The following TMEM178A variants were observed in gnomAD, a reference collection of about 807,000 sequenced individuals.
The protein encoded by TMEM178A is transmembrane protein 178A.
A neutral mutation model predicts 29.1 loss-of-function variants in TMEM178A; 12 were observed. The ratio of observed to expected loss-of-function variants is 0.41; its 90% CI spans 0.26 to 0.67. The LOEUF is 0.67. Among genes scored for constraint, TMEM178A ranks in the 30% least tolerant of loss-of-function variants. The pLI, the probability that TMEM178A is intolerant of heterozygous loss-of-function variation, is 0.29. For missense variants in TMEM178A, 366 were observed against 419.1 expected (o/e 0.87, Z 1.11); for synonymous variants, 210 against 187.2 (o/e 1.12, Z -0.99).
At chr2:39,668,472 T>C (rs775802887) in intron 1 of TMEM178A, among the ~76,000 whole-genome samples, 3 of 152,206 alleles carry the variant, frequency 2.0e-5, no homozygotes, top group Admixed American at 1.3e-4. Context: ...TGTTGCTAAA[T>C]TGCAGTGTGT....
the TMEM178A span, among the ~76,000 whole-genome samples, chr2:39,727,007 G>A: frequency 6.6e-6 from 1 of 152,162 alleles, no homozygotes; most frequent in East Asian, 1.9e-4. Flanking sequence ...CTTCATGCAC[G>A]TTTTGAGTTG....
At chr2:39,719,136 G>A (rs1291852412), downstream of TMEM178A, among the ~76,000 whole-genome samples, 8 of 152,162 alleles carry the variant, frequency 5.3e-5, no homozygotes, top group African/African-American at 1.9e-4. Flanking sequence ...ACTCTCTCAG[G>A]CCTTTTAATA....
chr2:39,708,186 G>A (rs1241996473), intron 3 of TMEM178A, among the ~76,000 whole-genome samples: 7 of 152,250 alleles, frequency 4.6e-5, no homozygotes, highest in East Asian at 3.9e-4. Context: ...AGAAGCAGCC[G>A]GTGGTAGGAA....
intron 1 of TMEM178A, among the ~76,000 whole-genome samples, chr2:39,694,135 TAAAA>T (rs1315784435): frequency 6.8e-6 from 1 of 146,184 alleles, no homozygotes; most frequent in African/African-American, 2.5e-5. Context: ...TTTGTTCAGA[TAAAA>T]AAAGTAGCAA....
chr2:39,698,286 T>C lies in TMEM178A; in HGVS notation c.401-5795T>C, dbSNP rs114686101. On this transcript the variant is annotated intron_variant, in intron 1 of 3. Transcript: ENST00000281961. ...GAGTAATAGCCTCAGGCTAGTTACT[T>C]AACTCTCTGAGCTTCGGATTCTTTT... is the stretch of plus-strand genomic sequence containing the variant. Among the ~76,000 whole-genome samples, 527 of 152,370 alleles carry C rather than the reference T, an allele frequency of 3.5e-3. 3 individuals carry two copies. The highest frequency in any genetic ancestry group is 0.012 in the African/African-American group (511 of 41,594).
intron 1 of TMEM178A, among the ~76,000 whole-genome samples, chr2:39,703,324 A>G (rs773384947): frequency 1.3e-5 from 2 of 152,178 alleles, no homozygotes; most frequent in Non-Finnish European, 2.9e-5. Flanking sequence ...GGAGAAGAGA[A>G]TAATGGACCC....
At chr2:39,731,848 A>G in the TMEM178A span, among the ~76,000 whole-genome samples, 6 of 152,118 alleles carry the variant, frequency 3.9e-5, no homozygotes, top group African/African-American at 1.4e-4. Flanking sequence ...ACCATTGTCT[A>G]TGGGGCCACT....
At chr2:39,735,558 C>T in the TMEM178A span, among the ~76,000 whole-genome samples, 1 of 152,328 alleles carries the variant, frequency 6.6e-6, no homozygotes, top group Non-Finnish European at 1.5e-5. Context: ...CTGCCTTTAA[C>T]CCAAGTAGGC....
the TMEM178A span, among the ~76,000 whole-genome samples, chr2:39,733,678 T>C: frequency 2.0e-5 from 3 of 152,214 alleles, no homozygotes; most frequent in Non-Finnish European, 2.9e-5. Flanking sequence ...TTTCTGTTAG[T>C]GTTCAGGTTG....
chr2:39,677,560 G>A (rs1253916502), intron 1 of TMEM178A, among the ~76,000 whole-genome samples: 1 of 152,096 alleles, frequency 6.6e-6, no homozygotes, highest in African/African-American at 2.4e-5. Flanking sequence ...CATTATCTTT[G>A]AAATTTCTGT....
intron 3 of TMEM178A, among the ~76,000 whole-genome samples, chr2:39,716,282 TTTAAAATCA>T (rs111705436): frequency 2.0e-5 from 3 of 152,340 alleles, no homozygotes; most frequent in African/African-American, 7.2e-5. Flanking sequence ...ATGAAGTATT[TTTAAAATCA>T]GTCCTGATTT....
intron 1 of TMEM178A, among the ~76,000 whole-genome samples, chr2:39,682,299 T>A (rs962899960): frequency 2.0e-5 from 3 of 152,178 alleles, no homozygotes; most frequent in African/African-American, 7.2e-5. Context: ...GTGTGAACTA[T>A]GATGTAATGC....
At chr2:39,718,258 G>T (rs1357956163), downstream of TMEM178A, among the ~76,000 whole-genome samples, 1 of 151,230 alleles carries the variant, frequency 6.6e-6, no homozygotes, top group African/African-American at 2.4e-5. Context: ...TTTACCATCT[G>T]CCTGGTATGT....
chr2:39,727,666 A>G, the TMEM178A span, among the ~76,000 whole-genome samples: 7 of 152,184 alleles, frequency 4.6e-5, no homozygotes, highest in East Asian at 1.4e-3. Flanking sequence ...TGCTGCACCC[A>G]TCAACTCATC....
intron 2 of TMEM178A, among the ~76,000 whole-genome samples, chr2:39,705,627 A>G (rs1671991945): frequency 6.6e-6 from 1 of 152,192 alleles, no homozygotes; most frequent in African/African-American, 2.4e-5. Context: ...TGAGTGGGAA[A>G]TGAGAAATCC....
intron 1 of TMEM178A, among the ~76,000 whole-genome samples, chr2:39,666,799 C>T (rs4670952): frequency 0.39 from 58,627 of 152,138 alleles, 12,479 homozygotes; most frequent in East Asian, 0.75. Context: ...GGGCTCCTTC[C>T]TTCAAGTTGT....
At chr2:39,702,068 C>G (rs887465310) in intron 1 of TMEM178A, among the ~76,000 whole-genome samples, 9 of 151,548 alleles carry the variant, frequency 5.9e-5, no homozygotes, top group Non-Finnish European at 5.9e-5. Context: ...CTTCTATTGA[C>G]TGCTTTTTTT....
intron 1 of TMEM178A, among the ~76,000 whole-genome samples, chr2:39,699,002 G>GTAA (rs1199865280): frequency 2.7e-5 from 4 of 150,792 alleles, no homozygotes; most frequent in Non-Finnish European, 5.9e-5. Flanking sequence ...AAGATTGTTA[G>GTAA]TAATAGCCTC....
At chr2:39,727,586 C>CT in the TMEM178A span, among the ~76,000 whole-genome samples, 3 of 152,080 alleles carry the variant, frequency 2.0e-5, no homozygotes, top group South Asian at 2.1e-4. Flanking sequence ...TTTAATTATA[C>CT]TTTAAGTTCT....
Sources: allele counts gnomAD v4.1 joint callset (sites outside exome capture counted in the v4.1 genomes callset), GRCh38; gene constraint gnomAD v4.1.1; transcripts MANE v1.5; gene names NCBI Gene and HGNC (gene_info 2026-07-23, HGNC 2026-07-21).